Variants in CES5A observed in about 807,000 individuals in gnomAD.
CES5A encodes carboxylesterase 5A, also known as carboxylesterase 5.
In CES5A, 67 loss-of-function variants were observed where a neutral mutation model predicts 62.9. That is an observed-to-expected ratio of 1.07 (90% CI 0.88 to 1.31). CES5A has a LOEUF of 1.31. Ranked by LOEUF, CES5A falls within the 50% of genes most tolerant of loss-of-function variation. The pLI is 0.00. For missense variants in CES5A, 748 were observed against 708.5 expected (o/e 1.06, Z -0.63); for synonymous variants, 296 against 280.8 (o/e 1.05, Z -0.54).
intron 9 of CES5A, among the ~76,000 whole-genome samples, chr16:55,854,531 C>CTTTTTTTTTCT (rs2033195342): frequency 1.9e-5 from 1 of 52,164 alleles, no homozygotes; most frequent in African/African-American, 9.0e-5. Flanking sequence ...TGTAGTGTTT[C>CTTTTTTTTTCT]TTTTTTTTTT....
At chr16:55,922,719 T>A (rs1159187934) in intron 1 of CES5A, among the ~76,000 whole-genome samples, 1 of 151,956 alleles carries the variant, frequency 6.6e-6, no homozygotes, top group Non-Finnish European at 1.5e-5. Context: ...AACATTTCAC[T>A]TAACTGCTGC....
intron 6 of CES5A, among the ~76,000 whole-genome samples, chr16:55,862,358 C>T (rs371433980): frequency 6.6e-6 from 1 of 152,162 alleles, no homozygotes; most frequent in African/African-American, 2.4e-5. Flanking sequence ...AGTTGTGGAA[C>T]CGCTTCCCAA....
chr16:55,938,306 C>A (rs2034399960), intron 2 of CES5A, among the ~76,000 whole-genome samples: 1 of 152,138 alleles, frequency 6.6e-6, no homozygotes, highest in African/African-American at 2.4e-5. Flanking sequence ...TGAGACCCAG[C>A]TTCTCTGCCC....
chr16:55,910,110 G>C (rs2034079130), intron 1 of CES5A, among the ~76,000 whole-genome samples: 4 of 152,108 alleles, frequency 2.6e-5, no homozygotes, highest in Admixed American at 2.6e-4. Flanking sequence ...CCTGCCATTA[G>C]ACTCCCTATC....
chr16:55,861,261 T>A (rs114822065), intron 7 of CES5A, 151 bp downstream of exon 7: 7 of 613,906 alleles, frequency 1.1e-5, no homozygotes, highest in Non-Finnish European at 2.0e-5. Flanking sequence ...GGGTTCTATA[T>A]CCCTACTTAT....
intron 4 of CES5A, among the ~76,000 whole-genome samples, chr16:55,867,457 G>C (rs1326792175): frequency 7.2e-5 from 11 of 152,080 alleles, no homozygotes; most frequent in African/African-American, 2.4e-4. Flanking sequence ...GTCACCCTGG[G>C]GCACATTCTA....
At chr16:55,850,685 C>T (rs2033112965) in intron 10 of CES5A, among the ~76,000 whole-genome samples, 1 of 152,170 alleles carries the variant, frequency 6.6e-6, no homozygotes, top group South Asian at 2.1e-4. Context: ...GTGCTATGAA[C>T]ATTCATATAC....
chr16:55,862,160 C>G (rs1182720410), intron 6 of CES5A, among the ~76,000 whole-genome samples: 3 of 152,180 alleles, frequency 2.0e-5, no homozygotes, highest in Non-Finnish European at 4.4e-5. Flanking sequence ...GCTCGATGTT[C>G]CCCACCTTCC....
chr16:55,940,554 T>C (rs77608152), intron 2 of CES5A, among the ~76,000 whole-genome samples: 1,920 of 152,066 alleles, frequency 0.013, 27 homozygotes, highest in South Asian at 0.023. Flanking sequence ...TTCAAAAAAG[T>C]CATTTCCAGG....
chr16:55,876,389 T>C (rs1195956166), upstream of CES5A, among the ~76,000 whole-genome samples: 1 of 152,108 alleles, frequency 6.6e-6, no homozygotes. Flanking sequence ...AAACATTCCC[T>C]TTGCCTCTAG....
chr16:55,945,437 C>A (rs907621079), intron 2 of CES5A, among the ~76,000 whole-genome samples: 1 of 152,242 alleles, frequency 6.6e-6, no homozygotes, highest in Admixed American at 6.5e-5. Context: ...AACAAAGGTA[C>A]CAAGGGACCA....
intron 1 of CES5A, among the ~76,000 whole-genome samples, chr16:55,898,276 T>C (rs1157975654): frequency 6.6e-6 from 1 of 152,146 alleles, no homozygotes; most frequent in African/African-American, 2.4e-5. Flanking sequence ...TGTAGATGCA[T>C]CAAGAAACTC....
chr16:55,943,231 C>G (rs891202497), intron 2 of CES5A, among the ~76,000 whole-genome samples: 2 of 152,336 alleles, frequency 1.3e-5, no homozygotes, highest in South Asian at 2.1e-4. Flanking sequence ...ACCATTTTCA[C>G]ATCCATTCCC....
intron 1 of CES5A, among the ~76,000 whole-genome samples, chr16:55,899,669 T>C (rs1340723984): frequency 6.6e-6 from 1 of 152,188 alleles, no homozygotes; most frequent in Admixed American, 6.5e-5. Context: ...AAGGTGCTTT[T>C]GTCCCCCAGG....
At chr16:55,906,738 AC>A (rs1442428263) in intron 1 of CES5A, among the ~76,000 whole-genome samples, 2 of 152,130 alleles carry the variant, frequency 1.3e-5, no homozygotes, top group Non-Finnish European at 2.9e-5. Context: ...TTTAAGACAG[AC>A]CTTGCAGGCA....
intron 2 of CES5A, among the ~76,000 whole-genome samples, chr16:55,941,572 A>G (rs73555828): frequency 0.037 from 5,704 of 152,188 alleles, 350 homozygotes; most frequent in African/African-American, 0.13. Context: ...CACAATTCCA[A>G]TAAAAATCCC....
intron 4 of CES5A, among the ~76,000 whole-genome samples, chr16:55,868,969 A>G (rs2033526130): frequency 6.6e-6 from 1 of 152,254 alleles, no homozygotes; most frequent in Non-Finnish European, 1.5e-5. Flanking sequence ...TGGCTGGTTC[A>G]GTGAAAGCCC....
intron 1 of CES5A, among the ~76,000 whole-genome samples, chr16:55,919,697 A>G (rs182337573): frequency 6.6e-6 from 1 of 152,364 alleles, no homozygotes; most frequent in East Asian, 1.9e-4. Flanking sequence ...TAAAAAATCA[A>G]TTTATACATT....
chr16:55,926,412 AC>A (rs1352313862), upstream of CES5A, among the ~76,000 whole-genome samples: 3 of 152,230 alleles, frequency 2.0e-5, no homozygotes, highest in Non-Finnish European at 4.4e-5. Flanking sequence ...AGTTCAAGAT[AC>A]TTTTGTAAGC....
Sources: allele counts gnomAD v4.1 joint callset (sites outside exome capture counted in the v4.1 genomes callset), GRCh38; gene constraint gnomAD v4.1.1; transcripts MANE v1.5; gene names NCBI Gene and HGNC (gene_info 2026-07-23, HGNC 2026-07-21).